CDH13: variants seen among roughly 807,000 people sequenced by gnomAD.
CDH13 encodes cadherin 13, also known as cadherin-13.
A neutral mutation model predicts 63.8 loss-of-function variants in CDH13; 24 were observed. That is an observed-to-expected ratio of 0.38 (90% CI 0.27 to 0.53). The LOEUF (loss-of-function observed/expected upper bound fraction) is 0.53. Among genes scored for constraint, CDH13 ranks in the 20% least tolerant of loss-of-function variants. CDH13 has a pLI of 0.85. For synonymous variants in CDH13, 503 were observed against 355.3 expected (o/e 1.42, Z -4.67); for missense variants, 1,049 against 903.1 (o/e 1.16, Z -2.07).
intron 6 of CDH13, among the ~76,000 whole-genome samples, chr16:83,440,864 T>C (rs1252767185): frequency 6.6e-6 from 1 of 151,368 alleles, no homozygotes; most frequent in Non-Finnish European, 1.5e-5. Flanking sequence ...TTCTTAATTG[T>C]CCACTTGGAG....
intron 5 of CDH13, among the ~76,000 whole-genome samples, chr16:83,230,026 C>A (rs965372774): frequency 1.3e-5 from 2 of 152,160 alleles, no homozygotes; most frequent in African/African-American, 4.8e-5. Flanking sequence ...ATTGTGTCCT[C>A]CTTCAATGGA....
At chr16:82,823,601 A>T (rs1464570807) in intron 1 of CDH13, 1 of 152,240 alleles carries the variant, frequency 6.6e-6, no homozygotes, top group Admixed American at 6.5e-5. Context: ...ATTAAAGACA[A>T]TTGAAAACCA....
intron 8 of CDH13, among the ~76,000 whole-genome samples, chr16:83,619,672 C>T (rs569618822): frequency 3.9e-5 from 6 of 152,232 alleles, no homozygotes; most frequent in African/African-American, 1.4e-4. Context: ...GGCTTCTCCC[C>T]GTGCCCATGC....
intron 1 of CDH13, among the ~76,000 whole-genome samples, chr16:82,701,822 G>T (rs1417257061): frequency 1.3e-5 from 2 of 152,034 alleles, no homozygotes; most frequent in African/African-American, 4.8e-5. Flanking sequence ...ATGAACAAGG[G>T]GACAGGATGC....
chr16:82,679,716 C>A (rs946705156), intron 1 of CDH13, among the ~76,000 whole-genome samples: 1 of 152,148 alleles, frequency 6.6e-6, no homozygotes, highest in Non-Finnish European at 1.5e-5. Flanking sequence ...TAATACCAAC[C>A]TCATACTGTT....
At chr16:83,213,786 T>C (rs933914208) in intron 4 of CDH13, among the ~76,000 whole-genome samples, 6 of 152,168 alleles carry the variant, frequency 3.9e-5, no homozygotes, top group African/African-American at 1.4e-4. Flanking sequence ...GAGTGGGGAC[T>C]TGCAGAACTT....
chr16:83,136,755 G>A (rs1290197887), intron 4 of CDH13, among the ~76,000 whole-genome samples: 1 of 152,150 alleles, frequency 6.6e-6, no homozygotes, highest in Admixed American at 6.5e-5. Flanking sequence ...GTGGGTAGAT[G>A]ATCAAACACC....
intron 2 of CDH13, among the ~76,000 whole-genome samples, chr16:82,992,575 A>G (rs1171192448): frequency 6.6e-6 from 1 of 152,174 alleles, no homozygotes; most frequent in Admixed American, 6.5e-5. Flanking sequence ...ACAATACCCC[A>G]AGGTCAAAAA....
At chr16:82,707,466 G>A (rs2031583450) in intron 1 of CDH13, among the ~76,000 whole-genome samples, 2 of 152,212 alleles carry the variant, frequency 1.3e-5, no homozygotes, top group South Asian at 4.1e-4. Flanking sequence ...ACGGAGAGAT[G>A]ATAGGGTGCA....
chr16:82,818,954 G>C (rs1276580851), intron 1 of CDH13, among the ~76,000 whole-genome samples: 1 of 152,164 alleles, frequency 6.6e-6, no homozygotes, highest in Non-Finnish European at 1.5e-5. Flanking sequence ...AGTGCTTTTT[G>C]AGGATCAGTA....
At chr16:82,700,764 C>A (rs1479097219) in intron 1 of CDH13, among the ~76,000 whole-genome samples, 1 of 152,126 alleles carries the variant, frequency 6.6e-6, no homozygotes. Context: ...GATTATGTTC[C>A]TGACAGGATG....
At position 83,495,744 on chromosome 16, in the gene CDH13, CT is replaced by C. The variant is rs1243954495; in HGVS notation, c.960+9093del. Among the ~76,000 whole-genome samples, 3 of 152,236 alleles carry C rather than the reference CT, an allele frequency of 2.0e-5. No homozygotes were observed. The South Asian group carries it at 6.2e-4, about 32-fold the overall frequency. On this transcript the variant is annotated intron_variant, in intron 7 of 13. Transcript: ENST00000567109. ...TTATGTAGGGTTAAATGAAAGCCCT[CT>C]TTTGAGACTTTTTGGCTTGTAGAGC...
chr16:83,049,846 A>G (rs2030093102), intron 3 of CDH13, among the ~76,000 whole-genome samples: 1 of 152,184 alleles, frequency 6.6e-6, no homozygotes, highest in South Asian at 2.1e-4. Context: ...TTTTATTTGT[A>G]AATACAGTGA....
At chr16:83,102,965 T>TTTTTTTTTTTTTTTTTTTTTTC (rs2034570357) in intron 3 of CDH13, among the ~76,000 whole-genome samples, 1 of 107,836 alleles carries the variant, frequency 9.3e-6, no homozygotes, top group Non-Finnish European at 1.8e-5. Context: ...TTTTTTTTTT[T>TTTTTTTTTTTTTTTTTTTTTTC]TTTTTGAGGT....
chr16:82,992,963 T>C (rs531624946), intron 2 of CDH13, among the ~76,000 whole-genome samples: 5 of 152,318 alleles, frequency 3.3e-5, no homozygotes, highest in Admixed American at 3.3e-4. Context: ...CGTGTCCATC[T>C]GCCTCAGGAT....
rs1344449586 is a variant in CDH13 at position 83,186,079 on chromosome 16, CTTTTTATTTT to C, written c.484-31265_484-31256del. ...AAAATTGTATTATTTTTAAAGGCAT[CTTTTTATTTT>C]ATTTTATTTTATTTTATTTTATTTT... On this transcript the variant is annotated intron_variant, in intron 4 of 13. Coordinates refer to ENST00000567109, the MANE Select transcript of CDH13 (RefSeq NM_001257.5). Among the ~76,000 whole-genome samples the C allele has an allele frequency of 2.2e-4, 30 of 135,182 alleles. No homozygotes were observed. In the East Asian group the frequency reaches 5.7e-3, roughly 26 times the overall value. The allele number at this position is 135,182 out of a possible 152,430, so 88.7% of individuals were successfully genotyped here.
chr16:83,652,068 C>G (rs1912433660), intron 8 of CDH13, among the ~76,000 whole-genome samples: 1 of 152,200 alleles, frequency 6.6e-6, no homozygotes, highest in African/African-American at 2.4e-5. Flanking sequence ...TCCATTTATT[C>G]TCCCTCTGGG....
intron 5 of CDH13, among the ~76,000 whole-genome samples, chr16:83,248,300 A>G (rs1905164081): frequency 6.6e-6 from 1 of 152,170 alleles, no homozygotes; most frequent in Non-Finnish European, 1.5e-5. Flanking sequence ...GCAGGGGGGT[A>G]CATAAAAATC....
chr16:83,503,671 T>G (rs1037291004), intron 7 of CDH13, among the ~76,000 whole-genome samples: 2 of 152,096 alleles, frequency 1.3e-5, no homozygotes, highest in Admixed American at 1.3e-4. Context: ...TTTCCAAATG[T>G]TTTTTGGCCA....
Sources: allele counts gnomAD v4.1 joint callset (sites outside exome capture counted in the v4.1 genomes callset), GRCh38; gene constraint gnomAD v4.1.1; transcripts MANE v1.5; gene names NCBI Gene and HGNC (gene_info 2026-07-23, HGNC 2026-07-21).